Variants in CDH12 observed in about 807,000 individuals in gnomAD.
The protein encoded by CDH12 is cadherin-12.
Under a neutral mutation model 74.1 loss-of-function variants are expected in CDH12, and 41 were observed. The observed-to-expected ratio is 0.55, with a 90% CI of 0.43 to 0.72. The LOEUF (loss-of-function observed/expected upper bound fraction) is 0.72. CDH12 is among the 30% of genes least tolerant of loss of function. The pLI, the probability that CDH12 is intolerant of heterozygous loss-of-function variation, is 0.00. For synonymous variants in CDH12, 399 were observed against 355.0 expected (o/e 1.12, Z -1.39); for missense variants, 945 against 977.2 (o/e 0.97, Z 0.44).
At chr5:22,843,301 A>G (rs1737158642) in intron 1 of CDH12, among the ~76,000 whole-genome samples, 1 of 151,996 alleles carries the variant, frequency 6.6e-6, no homozygotes, top group Non-Finnish European at 1.5e-5. Context: ...ACCATCTTTA[A>G]ATAAATTCAC....
intron 6 of CDH12, among the ~76,000 whole-genome samples, chr5:21,913,660 T>C (rs913274173): frequency 6.6e-6 from 1 of 152,016 alleles, no homozygotes; most frequent in Admixed American, 6.6e-5. Context: ...ATTTCATATG[T>C]TGTGGGGTTT....
intron 1 of CDH12, among the ~76,000 whole-genome samples, chr5:22,748,159 T>C (rs909973301): frequency 2.6e-5 from 4 of 152,202 alleles, no homozygotes; most frequent in South Asian, 4.1e-4. Flanking sequence ...AAATAAGTAT[T>C]TTTTAAATGG....
At chr5:22,160,265 A>G (rs529596452) in intron 4 of CDH12, among the ~76,000 whole-genome samples, 7 of 152,320 alleles carry the variant, frequency 4.6e-5, no homozygotes, top group Non-Finnish European at 7.3e-5. Context: ...ATAAAGCAAA[A>G]CAAAATAAAT....
At chr5:22,050,818 A>C (rs1286801788) in intron 5 of CDH12, among the ~76,000 whole-genome samples, 1 of 152,188 alleles carries the variant, frequency 6.6e-6, no homozygotes, top group African/African-American at 2.4e-5. Flanking sequence ...GTGAGAGTTC[A>C]ACCATGATAT....
At chr5:22,273,712 C>T (rs1736505202) in intron 3 of CDH12, among the ~76,000 whole-genome samples, 3 of 152,158 alleles carry the variant, frequency 2.0e-5, no homozygotes, top group Admixed American at 6.6e-5. Context: ...AAATGTGTTG[C>T]TTTGCTTTGA....
chr5:21,828,485 T>C (rs1010065616), intron 8 of CDH12, among the ~76,000 whole-genome samples: 20 of 152,176 alleles, frequency 1.3e-4, no homozygotes, highest in African/African-American at 4.1e-4. Context: ...GACTTCTCAC[T>C]GGTTTTCTTC....
At chr5:22,344,080 C>A (rs1291018194) in intron 3 of CDH12, among the ~76,000 whole-genome samples, 1 of 152,132 alleles carries the variant, frequency 6.6e-6, no homozygotes, top group African/African-American at 2.4e-5. Flanking sequence ...TTTCTGCTTA[C>A]AGGAAATAAA....
At chr5:22,481,574 C>G (rs187758172) in intron 2 of CDH12, among the ~76,000 whole-genome samples, 134 of 152,270 alleles carry the variant, frequency 8.8e-4, no homozygotes, top group African/African-American at 3.1e-3. Context: ...ATCTGAAGGA[C>G]ATTGTTAAGA....
chr5:22,812,805 A>G (rs1391759811), intron 1 of CDH12, among the ~76,000 whole-genome samples: 1 of 152,124 alleles, frequency 6.6e-6, no homozygotes, highest in African/African-American at 2.4e-5. Flanking sequence ...TATTTCAAAG[A>G]GAGTGTAGTA....
intron 5 of CDH12, 68 bp downstream of exon 5, chr5:22,078,378 C>G (rs762563612): frequency 1.5e-5 from 21 of 1,369,828 alleles, no homozygotes; most frequent in Non-Finnish European, 2.2e-5. Flanking sequence ...TGCAAAACAT[C>G]CATACAAAAT....
At chr5:22,823,040 A>T (rs1749793546) in intron 1 of CDH12, among the ~76,000 whole-genome samples, 1 of 152,186 alleles carries the variant, frequency 6.6e-6, no homozygotes, top group African/African-American at 2.4e-5. Flanking sequence ...ACACAATGGA[A>T]TACTATGCAG....
intron 1 of CDH12, among the ~76,000 whole-genome samples, chr5:22,748,097 A>G (rs1474284945): frequency 6.6e-6 from 1 of 152,204 alleles, no homozygotes; most frequent in Non-Finnish European, 1.5e-5. Context: ...AAGAGAATAA[A>G]CTATTTGAAA....
chr5:22,716,859 A>T (rs1024564862), intron 1 of CDH12, among the ~76,000 whole-genome samples: 2 of 152,094 alleles, frequency 1.3e-5, no homozygotes, highest in African/African-American at 4.8e-5. Flanking sequence ...TTTGAAAAAG[A>T]AAAAAAGATT....
At chr5:22,173,063 T>A (rs1463336764) in intron 4 of CDH12, among the ~76,000 whole-genome samples, 4 of 151,330 alleles carry the variant, frequency 2.6e-5, no homozygotes, top group Non-Finnish European at 4.4e-5. Context: ...CAAAACAAAC[T>A]TTATCAAACT....
chr5:22,827,337 TTAATCTTTGTTGTAA>T (rs1736391055), intron 1 of CDH12, among the ~76,000 whole-genome samples: 2 of 152,362 alleles, frequency 1.3e-5, no homozygotes, highest in East Asian at 3.9e-4. Context: ...ACACCTGGCA[TTAATCTTTGTTGTAA>T]ATCCAAATAA....
At chr5:22,175,484 T>A (rs1749279297) in intron 4 of CDH12, among the ~76,000 whole-genome samples, 1 of 152,100 alleles carries the variant, frequency 6.6e-6, no homozygotes, top group African/African-American at 2.4e-5. Context: ...AATATATGTA[T>A]ATATCTATAA....
At chr5:22,658,570 C>T (rs1169819991) in intron 1 of CDH12, among the ~76,000 whole-genome samples, 3 of 151,952 alleles carry the variant, frequency 2.0e-5, no homozygotes, top group Non-Finnish European at 4.4e-5. Context: ...GAATTCCTCA[C>T]CAATCCTACA....
intron 6 of CDH12, among the ~76,000 whole-genome samples, chr5:21,973,306 G>A (rs1756933881): frequency 6.6e-6 from 1 of 152,064 alleles, no homozygotes; most frequent in Non-Finnish European, 1.5e-5. Context: ...TTCAGTAAGG[G>A]CACATGAGAA....
intron 2 of CDH12, among the ~76,000 whole-genome samples, chr5:22,448,935 T>C (rs984670205): frequency 5.9e-5 from 9 of 151,988 alleles, no homozygotes; most frequent in African/African-American, 2.2e-4. Flanking sequence ...ATTATGTTAG[T>C]GTCACAACAA....
Sources: gnomAD v4.1 joint callset for allele counts (sites outside exome capture counted in the v4.1 genomes callset) on GRCh38, gnomAD v4.1.1 for gene constraint, MANE v1.5 for transcripts, NCBI Gene and HGNC (gene_info 2026-07-23, HGNC 2026-07-21) for gene names.